Variants in COL23A1 observed in about 807,000 individuals in gnomAD.
The protein encoded by COL23A1 is collagen alpha-1(XXIII) chain.
Under a neutral mutation model 99.3 loss-of-function variants are expected in COL23A1, and 97 were observed. The ratio of observed to expected loss-of-function variants is 0.98; its 90% CI spans 0.83 to 1.16. COL23A1 has a LOEUF of 1.16. COL23A1 is among the 50% of genes most tolerant of loss of function. COL23A1 has a pLI of 0.00. For missense variants in COL23A1, 762 were observed against 757.4 expected (o/e 1.01, Z -0.07); for synonymous variants, 320 against 308.2 (o/e 1.04, Z -0.40).
intron 1 of COL23A1, among the ~76,000 whole-genome samples, chr5:178,566,880 A>G (rs777088651): frequency 1.3e-5 from 2 of 152,150 alleles, no homozygotes; most frequent in African/African-American, 2.4e-5. Context: ...TGATGTAAAC[A>G]CTGTACTCTA....
At chr5:178,330,577 T>A (rs910020028) in intron 2 of COL23A1, among the ~76,000 whole-genome samples, 7 of 151,216 alleles carry the variant, frequency 4.6e-5, no homozygotes, top group African/African-American at 1.7e-4. Context: ...TAGCTGGAGC[T>A]GAGGAGTTTG....
chr5:178,319,918 C>T (rs142363061), intron 2 of COL23A1, among the ~76,000 whole-genome samples: 550 of 152,326 alleles, frequency 3.6e-3, no homozygotes, highest in African/African-American at 0.013. Context: ...TCCCTGCACC[C>T]GGCCGCATGC....
At chr5:178,472,484 T>C (rs569924954) in intron 2 of COL23A1, among the ~76,000 whole-genome samples, 1 of 152,282 alleles carries the variant, frequency 6.6e-6, no homozygotes, top group African/African-American at 2.4e-5. Flanking sequence ...TTTTCTTAAA[T>C]GCTTCCCAGC....
At position 178,239,171 on chromosome 5, in the gene COL23A1, G is replaced by A. The variant is rs369316274; in HGVS notation, c.1590C>T (p.Asp530=). The A allele has an allele frequency of 7.1e-5, 114 of 1,613,764 alleles. No homozygotes were observed. In the Middle Eastern group the frequency reaches 9.9e-4, roughly 14 times the overall value. ...GCCAGCAGCCAGGCACAGGCAGCCCGTCGGGGCCCTGGAAAGGAAGAAGGT... is the reference window on the plus strand; with the variant it reads ...GCCAGCAGCCAGGCACAGGCAGCCCATCGGGGCCCTGGAAAGGAAGAAGGT... ...GLDQPCPVGP[D]GLPVPGCWHK is the part of the protein sequence containing the mutation. Residue 530 remains aspartate, a synonymous_variant, in exon 28 of 29, where the codon GAC becomes GAT. Transcript: ENST00000390654.
rs571673986 is a variant in COL23A1 at position 178,272,483 on chromosome 5, G to T, written c.442-2120C>A. On this transcript the variant is annotated intron_variant, in intron 5 of 28. Transcript: ENST00000390654. ...GGTCGCTGAGGGTTTGGCCATCAGA[G>T]TGATGGCCTGGTGACAGCTGGGGTC... Among the ~76,000 whole-genome samples, 70 of 152,320 alleles carry T rather than the reference G, an allele frequency of 4.6e-4. No individual in the cohort carries two copies. The South Asian group carries it at 0.014, about 30-fold the overall frequency.
At chr5:178,563,201 A>G (rs1241191527) in intron 1 of COL23A1, among the ~76,000 whole-genome samples, 1 of 152,088 alleles carries the variant, frequency 6.6e-6, no homozygotes, top group Non-Finnish European at 1.5e-5. Flanking sequence ...TCTGGATGCC[A>G]GGCTTCCAGC....
intron 28 of COL23A1, 63 bp downstream of exon 28, chr5:178,239,078 T>A: frequency 6.3e-7 from 1 of 1,580,658 alleles, no homozygotes; most frequent in African/African-American, 1.3e-5. Flanking sequence ...TCTGGGGCCC[T>A]CCCATTCCCC....
At chr5:178,569,550 T>C (rs973970018) in intron 1 of COL23A1, among the ~76,000 whole-genome samples, 1 of 152,236 alleles carries the variant, frequency 6.6e-6, no homozygotes, top group Non-Finnish European at 1.5e-5. Flanking sequence ...CGTTTTCTAT[T>C]GCTGTATAAC....
chr5:178,377,098 C>T (rs372590859), intron 2 of COL23A1, among the ~76,000 whole-genome samples: 5 of 152,158 alleles, frequency 3.3e-5, no homozygotes, highest in Admixed American at 1.3e-4. Flanking sequence ...GACAGGGAGC[C>T]GGTTGCAGAT....
intron 2 of COL23A1, among the ~76,000 whole-genome samples, chr5:178,470,469 C>G (rs931614720): frequency 3.9e-5 from 6 of 152,206 alleles, no homozygotes; most frequent in African/African-American, 1.4e-4. Flanking sequence ...CCCAGCTCCC[C>G]ACCCAGACCC....
intron 2 of COL23A1, among the ~76,000 whole-genome samples, chr5:178,548,653 C>T (rs780093913): frequency 6.6e-6 from 1 of 151,146 alleles, no homozygotes; most frequent in East Asian, 2.0e-4. Flanking sequence ...CCCATCTTTG[C>T]CCATTCTTTA....
At chr5:178,500,425 A>C (rs7709947) in intron 2 of COL23A1, among the ~76,000 whole-genome samples, 80 of 36,802 alleles carry the variant, frequency 2.2e-3, no homozygotes, top group African/African-American at 0.013. Context: ...CCATCTCTAC[A>C]AAAAAAAAAA....
chr5:178,382,900 T>C (rs868821884), intron 2 of COL23A1, among the ~76,000 whole-genome samples: 14 of 151,884 alleles, frequency 9.2e-5, no homozygotes, highest in Admixed American at 5.2e-4. Context: ...GGAAGTCAAG[T>C]GAAACCAGGT....
intron 2 of COL23A1, among the ~76,000 whole-genome samples, chr5:178,496,391 C>A (rs570791723): frequency 6.6e-6 from 1 of 152,280 alleles, no homozygotes; most frequent in African/African-American, 2.4e-5. Flanking sequence ...GAAAGAAGGG[C>A]AGAGAAAGGA....
chr5:178,569,698 T>C (rs977818161), intron 1 of COL23A1, among the ~76,000 whole-genome samples: 6 of 152,318 alleles, frequency 3.9e-5, no homozygotes, highest in African/African-American at 1.2e-4. Flanking sequence ...GGTTTCTTCC[T>C]GGAGCTCTGA....
rs530820379 is a variant in COL23A1, at chr5:178,290,089, G to A, written c.414+273C>T. 7.2e-5 allele frequency among the ~76,000 whole-genome samples: 11 copies of A among 152,060 alleles called. No individual in the cohort carries two copies. In the East Asian group the frequency reaches 1.9e-3, roughly 27 times the overall value. On this transcript the variant is annotated intron_variant, in intron 4 of 28. Transcript: ENST00000390654. ...TGGGGTTACAGGCACCCGCCACCAC[G>A]CCTGGCTATTTTTTGTATTTTTAGT...
chr5:178,523,191 T>G (rs1225042993), intron 2 of COL23A1, among the ~76,000 whole-genome samples: 11 of 80,858 alleles, frequency 1.4e-4, no homozygotes, highest in African/African-American at 3.5e-4. Context: ...CATATATATA[T>G]ATATATATAT....
intron 2 of COL23A1, among the ~76,000 whole-genome samples, chr5:178,357,718 A>ATGTGTGTG (rs144352054): frequency 3.4e-5 from 5 of 145,962 alleles, no homozygotes; most frequent in Admixed American, 1.4e-4. Context: ...AAATGTGTGT[A>ATGTGTGTG]TGTGTGTGTG....
intron 2 of COL23A1, among the ~76,000 whole-genome samples, chr5:178,463,859 C>T (rs1434410397): frequency 6.6e-6 from 1 of 152,216 alleles, no homozygotes; most frequent in African/African-American, 2.4e-5. Context: ...CTGGTCCATG[C>T]AGCGTAAATA....
Sources: allele counts gnomAD v4.1 joint callset (sites outside exome capture counted in the v4.1 genomes callset), GRCh38; gene constraint gnomAD v4.1.1; transcripts MANE v1.5; gene names NCBI Gene and HGNC (gene_info 2026-07-23, HGNC 2026-07-21).